RANBP17: variants seen among roughly 807,000 people sequenced by gnomAD.
RANBP17 encodes the protein RAN binding protein 17, also known as ran-binding protein 17.
A neutral mutation model predicts 141.2 loss-of-function variants in RANBP17; 158 were observed. The ratio of observed to expected loss-of-function variants is 1.12; its 90% CI spans 0.98 to 1.28. The LOEUF is 1.28. Among genes scored for constraint, RANBP17 ranks in the 50% most tolerant of loss-of-function variants. The pLI is 0.00. For missense variants in RANBP17, 1,438 were observed against 1,290.7 expected (o/e 1.11, Z -1.75); for synonymous variants, 430 against 450.0 (o/e 0.96, Z 0.56).
At chr5:170,877,637 C>A (rs752423631) in intron 1 of RANBP17, among the ~76,000 whole-genome samples, 2 of 152,188 alleles carry the variant, frequency 1.3e-5, no homozygotes, top group African/African-American at 2.4e-5. Context: ...CCCCATCCAT[C>A]TCCCTAACCT....
chr5:171,219,610 A>G (rs1340250929), intron 21 of RANBP17, among the ~76,000 whole-genome samples: 1 of 151,100 alleles, frequency 6.6e-6, no homozygotes, highest in East Asian at 2.0e-4. Flanking sequence ...TTTTTCTCCA[A>G]TCTTGTCTTC....
chr5:171,080,712 G>A (rs918153426), intron 14 of RANBP17, among the ~76,000 whole-genome samples: 1 of 152,102 alleles, frequency 6.6e-6, no homozygotes, highest in Non-Finnish European at 1.5e-5. Context: ...AACCTTTTAC[G>A]GGAAAATATC....
chr5:170,961,380 A>G (rs930756991), intron 13 of RANBP17, among the ~76,000 whole-genome samples: 2 of 152,344 alleles, frequency 1.3e-5, no homozygotes, highest in Middle Eastern at 3.4e-3. Flanking sequence ...TTGAAATGGC[A>G]TGCTTATACT....
intron 18 of RANBP17, among the ~76,000 whole-genome samples, chr5:171,190,020 G>A (rs990121872): frequency 6.6e-5 from 10 of 152,076 alleles, no homozygotes; most frequent in Non-Finnish European, 1.2e-4. Context: ...ATTTTGGAGA[G>A]TGGGAGTGGG....
chr5:171,099,171 G>T (rs547860751), intron 14 of RANBP17, among the ~76,000 whole-genome samples: 1 of 152,246 alleles, frequency 6.6e-6, no homozygotes, highest in Admixed American at 6.5e-5. Flanking sequence ...GTAGTTTGAT[G>T]GGAATAACAT....
chr5:171,239,029 A>T (rs1485216204), intron 22 of RANBP17, among the ~76,000 whole-genome samples: 1 of 152,140 alleles, frequency 6.6e-6, no homozygotes, highest in East Asian at 1.9e-4. Context: ...TCATTTGTTT[A>T]TACTAACACC....
At chr5:170,897,527 A>G (rs1358894248) in intron 5 of RANBP17, among the ~76,000 whole-genome samples, 2 of 152,046 alleles carry the variant, frequency 1.3e-5, no homozygotes, top group African/African-American at 4.8e-5. Flanking sequence ...ATCTATCTAC[A>G]TTAGGTATTT....
chr5:171,248,168 CA>C (rs1765333653), intron 24 of RANBP17, among the ~76,000 whole-genome samples: 1 of 152,032 alleles, frequency 6.6e-6, no homozygotes, highest in Non-Finnish European at 1.5e-5. Context: ...AGATTGAGAC[CA>C]TCCTGGCTAA....
chr5:171,078,134 CTTTTTT>C (rs11331471), intron 14 of RANBP17, among the ~76,000 whole-genome samples: 1 of 122,806 alleles, frequency 8.1e-6, no homozygotes, highest in Non-Finnish European at 1.8e-5. Context: ...TCTTTTCTTT[CTTTTTT>C]TTTTTTTTTT....
In RANBP17 at chr5:171,228,400, C is replaced by G. The variant is rs144800487; in HGVS notation, c.2422+6560C>G. On this transcript the variant is annotated intron_variant, in intron 22 of 27. Transcript: ENST00000523189. ...TTAGAAGTGGAGACTGAAGATGTGA[C>G]TGAACTGCTGCAGTCTCATGATAAA... Among the ~76,000 whole-genome samples the G allele has an allele frequency of 3.3e-3, 496 of 152,298 alleles. 2 individuals are homozygous for G. Among genetic ancestry groups the G allele is most frequent in the African/African-American group, 0.011 (469 of 41,564 alleles).
chr5:170,924,391 A>C lies in RANBP17; in HGVS notation c.1309A>C (p.Thr437Pro), dbSNP rs552965037. The C allele has an allele frequency of 3.1e-6, 5 of 1,604,408 alleles. No homozygotes were observed. The African/African-American group carries it at 6.7e-5, about 21-fold the overall frequency. ...HLDDPLDDTATVFQQLEQLCT... is the reference protein window; with the variant it reads ...HLDDPLDDTAPVFQQLEQLCT... ...AGATGATCCACTGGATGATACTGCCACTGTGTTTCAGCAGTTGGAGCAGTT... is the reference window on the plus strand; with the variant it reads ...AGATGATCCACTGGATGATACTGCCCCTGTGTTTCAGCAGTTGGAGCAGTT... The change falls in exon 12 of 28, where the codon ACT becomes CCT. Residue 437 changes from threonine (T) to proline (P), a missense_variant. Transcript: ENST00000523189.
chr5:171,060,685 G>A (rs1299392253), intron 14 of RANBP17, among the ~76,000 whole-genome samples: 1 of 152,174 alleles, frequency 6.6e-6, no homozygotes, highest in South Asian at 2.1e-4. Flanking sequence ...CATAAAATGA[G>A]TTAGGGAGGA....
chr5:171,157,703 G>A (rs1347693060), intron 14 of RANBP17, among the ~76,000 whole-genome samples: 2 of 152,208 alleles, frequency 1.3e-5, no homozygotes, highest in African/African-American at 4.8e-5. Context: ...ACATTTGAGG[G>A]TTGAGCTATG....
chr5:171,276,878 A>G (rs1485045990), intron 25 of RANBP17, among the ~76,000 whole-genome samples: 2 of 146,170 alleles, frequency 1.4e-5, no homozygotes, highest in East Asian at 4.2e-4. Context: ...AATTGCTATT[A>G]TTTTAAATCA....
intron 14 of RANBP17, 60 bp downstream of exon 14, chr5:170,968,437 A>G (rs200586724): frequency 2.8e-6 from 4 of 1,435,028 alleles, no homozygotes; most frequent in Non-Finnish European, 3.9e-6. Flanking sequence ...ATGTACATAT[A>G]TAACTGAATG....
chr5:171,210,176 C>T (rs1458402763), intron 20 of RANBP17, among the ~76,000 whole-genome samples: 1 of 152,134 alleles, frequency 6.6e-6, no homozygotes, highest in African/African-American at 2.4e-5. Context: ...TCTTCCTACT[C>T]ATATGTACAT....
rs191668881 is a variant in RANBP17 at position 171,062,287 on chromosome 5, G to T, written c.1710+93910G>T. On this transcript the variant is annotated intron_variant, in intron 14 of 27. Coordinates refer to ENST00000523189, the MANE Select transcript of RANBP17 (RefSeq NM_022897.5). ...CTTTACAATTTGGCATAATTTTGCG[G>T]CGGCTGGTACCGGTTGTTCCTTTCC... 4.1e-3 allele frequency among the ~76,000 whole-genome samples: 617 copies of T among 152,298 alleles called. 5 individuals carry two copies. Among genetic ancestry groups the T allele is most frequent in the African/African-American group, 0.014 (595 of 41,552 alleles).
intron 18 of RANBP17, among the ~76,000 whole-genome samples, chr5:171,192,238 AG>A (rs1339676293): frequency 4.6e-5 from 7 of 152,002 alleles, no homozygotes; most frequent in African/African-American, 1.5e-4. Flanking sequence ...GGGATGGGGG[AG>A]TGGGCAGTAA....
intron 12 of RANBP17, 39 bp downstream of exon 12, chr5:170,924,589 A>C: frequency 7.9e-7 from 1 of 1,266,082 alleles, no homozygotes; most frequent in Non-Finnish European, 1.1e-6. Context: ...ATTATGTTGA[A>C]TATTAAGTAA....
Sources: gnomAD v4.1 joint callset for allele counts (sites outside exome capture counted in the v4.1 genomes callset) on GRCh38, gnomAD v4.1.1 for gene constraint, MANE v1.5 for transcripts, NCBI Gene and HGNC (gene_info 2026-07-23, HGNC 2026-07-21) for gene names.